ZDHHC3: variants seen among roughly 807,000 people sequenced by gnomAD.
ZDHHC3 encodes the protein zDHHC palmitoyltransferase 3.
A neutral mutation model predicts 30.6 loss-of-function variants in ZDHHC3; 9 were observed. The observed-to-expected ratio is 0.29, with a 90% confidence interval of 0.18 to 0.51. The LOEUF (loss-of-function observed/expected upper bound fraction) is 0.51. ZDHHC3 is among the 20% of genes least tolerant of loss of function. ZDHHC3 has a pLI of 0.97. For missense variants in ZDHHC3, 246 were observed against 384.2 expected, an observed-to-expected ratio of 0.64 and a Z score of 3.01; for synonymous variants, 136 against 140.2, an observed-to-expected ratio of 0.97 and a Z score of 0.21.
At chr3:44,962,120 A>G (rs1704529175) in intron 1 of ZDHHC3, among the ~76,000 whole-genome samples, 1 of 152,182 alleles carries the variant, frequency 6.6e-6, no homozygotes, top group Admixed American at 6.5e-5. Flanking sequence ...CAGCCTGCGG[A>G]CCACTTCCCC....
rs1484840422 is a variant in ZDHHC3 at position 44,919,143 on chromosome 3, T to G, written c.*7546A>C. ...ATTGGATCTCAAAAGTATATCCTCA[T>G]AAGATACTTATCAATTACAAAGGGA... On this transcript the variant is annotated 3_prime_UTR_variant, in exon 7 of 7. Coordinates refer to ENST00000424952, the MANE Select transcript of ZDHHC3 (RefSeq NM_001135179.2). The G allele has an allele frequency of 1.0e-6, 1 of 964,146 alleles. No individual in the cohort carries two copies. The highest frequency in any genetic ancestry group is 1.2e-4 in the East Asian group (1 of 8,666). The allele number at this position is 964,146 out of a possible 1,614,324, so 59.7% of individuals were successfully genotyped here. A position where few individuals can be genotyped will look rare whatever the true frequency, so the allele number is the denominator to read the frequency against.
rs747351480 is a variant in ZDHHC3, at chr3:44,934,004, A to C, written c.432-20T>G. Reference sequence around the variant, plus strand: ...CAAACACTGAAACAGCCCACAGGTCAGACCTTTAGGGCATCCCCATGGTGT... The same window carrying C: ...CAAACACTGAAACAGCCCACAGGTCCGACCTTTAGGGCATCCCCATGGTGT... On this transcript the variant is annotated intron_variant, in intron 3 of 6. Transcript: ENST00000424952. The C allele has an allele frequency of 6.2e-7, 1 of 1,613,606 alleles. No homozygotes were observed. The highest frequency in any genetic ancestry group is 8.5e-7 in the Non-Finnish European group (1 of 1,179,534).
In ZDHHC3 at chr3:44,975,537, T is replaced by A. The variant is rs570860079; in HGVS notation, c.-25+396A>T. The A allele has an allele frequency of 2.0e-5, 3 of 151,256 alleles. No individual in the cohort carries two copies. The East Asian group carries it at 5.9e-4, about 30-fold the overall frequency. The allele number at this position is 151,256 out of a possible 1,614,324, so 9.4% of individuals were successfully genotyped here. On this transcript the variant is annotated intron_variant, in intron 1 of 6. Transcript: ENST00000424952. ...TGGGACAGCGTTCGGTCACAGAGAG[T>A]GAGCGAGCCAGCGAGAGATATTCCT...
Position 44,924,854 on chromosome 3 carries a change from C to T in ZDHHC3, c.*1835G>A. 1 of 985,536 alleles carries T rather than the reference C, an allele frequency of 1.0e-6. No individual in the cohort carries two copies. Among genetic ancestry groups the T allele is most frequent in the Non-Finnish European group, 1.2e-6 (1 of 829,938 alleles). 61.0% of individuals were successfully genotyped at this position (985,536 alleles called of 1,614,324 possible). A position where few individuals can be genotyped will look rare whatever the true frequency, so the allele number is the denominator to read the frequency against. Reference sequence around the variant, plus strand: ...AGCATTCTTTTCTTTTTAATCTTAGCATCTCAGCCTCGCCCGTATCGCATG... The same window carrying T: ...AGCATTCTTTTCTTTTTAATCTTAGTATCTCAGCCTCGCCCGTATCGCATG... On this transcript the variant is annotated 3_prime_UTR_variant, in exon 7 of 7. Transcript: ENST00000424952.
chr3:44,942,575 A>G (rs1702536985), intron 3 of ZDHHC3, among the ~76,000 whole-genome samples: 1 of 152,208 alleles, frequency 6.6e-6, no homozygotes, highest in Non-Finnish European at 1.5e-5. Flanking sequence ...AGAATCACCA[A>G]AAGTTCTTTT....
At chr3:44,956,979 C>T (rs1051282149) in intron 2 of ZDHHC3, among the ~76,000 whole-genome samples, 3 of 152,162 alleles carry the variant, frequency 2.0e-5, no homozygotes, top group African/African-American at 7.2e-5. Context: ...TCACCCTGGT[C>T]CTAGTCCTGT....
chr3:44,955,173 G>A (rs146444297), intron 2 of ZDHHC3, among the ~76,000 whole-genome samples: 3 of 152,274 alleles, frequency 2.0e-5, no homozygotes, highest in Non-Finnish European at 4.4e-5. Flanking sequence ...CTGCTCCTCT[G>A]TCCATTTGTC....
In ZDHHC3 at chr3:44,922,139, C is replaced by A. The variant is rs939411878; in HGVS notation, c.*4550G>T. 1.0e-6 allele frequency: 1 copy of A among 985,430 alleles called. No individual in the cohort carries two copies. Among genetic ancestry groups the A allele is most frequent in the South Asian group, 4.7e-5 (1 of 21,280 alleles). 61.0% of individuals were successfully genotyped at this position (985,430 alleles called of 1,614,324 possible). ...GCTTGTTTCTGCTTCACTGTGAATT[C>A]TTTCTCTTCTATGAGGTGATCCTAA... On this transcript the variant is annotated 3_prime_UTR_variant, in exon 7 of 7. Coordinates refer to ENST00000424952, the MANE Select transcript of ZDHHC3 (RefSeq NM_001135179.2).
Position 44,918,394 on chromosome 3 carries a change from G to A in ZDHHC3, c.*8295C>T. ...GCAAGCAGGGCCCGCCTGGTGGACTGACGTGTTCTCCACCCACCACCCAGC... is the reference window on the plus strand; with the variant it reads ...GCAAGCAGGGCCCGCCTGGTGGACTAACGTGTTCTCCACCCACCACCCAGC... On this transcript the variant is annotated 3_prime_UTR_variant, in exon 7 of 7. Coordinates refer to ENST00000424952, the MANE Select transcript of ZDHHC3 (RefSeq NM_001135179.2). 1.0e-6 allele frequency: 1 copy of A among 985,354 alleles called. No individual in the cohort carries two copies. The highest frequency in any genetic ancestry group is 1.2e-6 in the Non-Finnish European group (1 of 829,906). 61.0% of individuals were successfully genotyped at this position (985,354 alleles called of 1,614,324 possible).
chr3:44,940,482 C>T (rs893478644), intron 3 of ZDHHC3, among the ~76,000 whole-genome samples: 3 of 152,190 alleles, frequency 2.0e-5, no homozygotes, highest in Non-Finnish European at 4.4e-5. Flanking sequence ...TCCTGGCATT[C>T]CTTTCTGGCA....
chr3:44,962,889 T>C (rs1181448883), intron 1 of ZDHHC3, among the ~76,000 whole-genome samples: 2 of 152,226 alleles, frequency 1.3e-5, no homozygotes, highest in African/African-American at 2.4e-5. Context: ...CTAAGTCTTG[T>C]TAGATTTATT....
In ZDHHC3 at chr3:44,929,418, GGA is replaced by G; in HGVS notation, c.627_628del (p.Pro210ThrfsTer13). The G allele has an allele frequency of 6.2e-7, 1 of 1,614,058 alleles. No homozygotes were observed. Among genetic ancestry groups the G allele is most frequent in the Non-Finnish European group, 8.5e-7 (1 of 1,179,948 alleles). ...GATAAGGAGAATCACTGTGGTGGGT[GGA>G]GAGAAGGAGCTGCACTCTGAAAGAG... On this transcript the variant is annotated frameshift_variant, in exon 6 of 7. Coordinates refer to ENST00000424952, the MANE Select transcript of ZDHHC3 (RefSeq NM_001135179.2). LOFTEE classifies it high-confidence loss of function.
rs1034287349 is a variant in ZDHHC3 at position 44,923,872 on chromosome 3, A to T, written c.*2817T>A. On this transcript the variant is annotated 3_prime_UTR_variant, in exon 7 of 7. Transcript: ENST00000424952. ...GACTAAAAGGAGATTTAGCACATGCACTTCTACCCAAATGTGTTTTGTGTA... is the reference window on the plus strand; with the variant it reads ...GACTAAAAGGAGATTTAGCACATGCTCTTCTACCCAAATGTGTTTTGTGTA... 1.0e-6 allele frequency: 1 copy of T among 985,372 alleles called. No individual in the cohort carries two copies. Among genetic ancestry groups the T allele is most frequent in the African/African-American group, 1.7e-5 (1 of 57,262 alleles). The allele number at this position is 985,372 out of a possible 1,614,324, so 61.0% of individuals were successfully genotyped here. A position where few individuals can be genotyped will look rare whatever the true frequency, so the allele number is the denominator to read the frequency against.
chr3:44,929,411 G>A lies in ZDHHC3; in HGVS notation c.636C>T (p.Thr212=), dbSNP rs1408617157. ...WTKCSSFSPP[T]TVILLILLCF... is the part of the protein sequence containing the mutation. ...ACAGCAGGATAAGGAGAATCACTGTGGTGGGTGGAGAGAAGGAGCTGCACT... is the reference window on the plus strand; with the variant it reads ...ACAGCAGGATAAGGAGAATCACTGTAGTGGGTGGAGAGAAGGAGCTGCACT... The change falls in exon 6 of 7, where the codon ACC becomes ACT. Residue 212 remains threonine, a synonymous_variant. Coordinates refer to ENST00000424952, the MANE Select transcript of ZDHHC3 (RefSeq NM_001135179.2). 4.3e-6 allele frequency: 7 copies of A among 1,613,958 alleles called. No homozygotes were observed. Among genetic ancestry groups the A allele is most frequent in the Admixed American group, 1.7e-5 (1 of 59,986 alleles).
At chr3:44,950,856 C>A (rs1368626537) in intron 2 of ZDHHC3, among the ~76,000 whole-genome samples, 1 of 152,198 alleles carries the variant, frequency 6.6e-6, no homozygotes, top group Non-Finnish European at 1.5e-5. Flanking sequence ...ATTTTTGTCA[C>A]TGCTGTCATG....
At chr3:44,936,273 C>A (rs1402816036) in intron 3 of ZDHHC3, among the ~76,000 whole-genome samples, 2 of 152,180 alleles carry the variant, frequency 1.3e-5, no homozygotes, top group Non-Finnish European at 1.5e-5. Context: ...ATATCACTAT[C>A]ATCAGAGAAG....
Position 44,964,061 on chromosome 3 carries a change from C to A in ZDHHC3, c.-24-4601G>T, listed in dbSNP as rs115670776. ...GCTTTTTTTCCACCAACCTGCAAGT[C>A]TCATTTTATTTAGCTCTGTAGCCTA... On this transcript the variant is annotated intron_variant, in intron 1 of 6. Transcript: ENST00000424952. Among the ~76,000 whole-genome samples the A allele has an allele frequency of 5.7e-3, 866 of 152,296 alleles. 8 individuals carry two copies. The highest frequency in any genetic ancestry group is 0.02 in the African/African-American group (840 of 41,544).
chr3:44,933,293 G>T, intron 4 of ZDHHC3, 94 bp from the exon 5 acceptor site: 1 of 1,176,482 alleles, frequency 8.5e-7, no homozygotes, highest in Non-Finnish European at 1.3e-6. Flanking sequence ...TGCCACTCAG[G>T]AACACTTAGT....
At chr3:44,974,055 A>G (rs1045005455) in intron 1 of ZDHHC3, among the ~76,000 whole-genome samples, 6 of 152,262 alleles carry the variant, frequency 3.9e-5, no homozygotes, top group Non-Finnish European at 7.3e-5. Context: ...ATGCACTATT[A>G]CAGCAAAGGT....
Sources: gnomAD v4.1 joint callset for allele counts (sites outside exome capture counted in the v4.1 genomes callset) on GRCh38, gnomAD v4.1.1 for gene constraint, MANE v1.5 for transcripts, NCBI Gene and HGNC (gene_info 2026-07-23, HGNC 2026-07-21) for gene names.